Variants in HNRNPAB observed in about 807,000 individuals in gnomAD.
HNRNPAB encodes the protein ABBP-1.
HNRNPAB carries 17 observed loss-of-function variants against 44.1 expected under a neutral mutation model. The ratio of observed to expected loss-of-function variants is 0.39; its 90% CI spans 0.26 to 0.58. The LOEUF is 0.58. Among genes scored for constraint, HNRNPAB ranks in the 20% least tolerant of loss-of-function variants. The pLI is 0.63. For synonymous variants in HNRNPAB, 183 were observed against 167.6 expected (o/e 1.09, Z -0.71); for missense variants, 393 against 432.7 (o/e 0.91, Z 0.81).
chr5:178,205,615 T>G lies in HNRNPAB; in HGVS notation c.210-227T>G, dbSNP rs1357146120. On this transcript the variant is annotated intron_variant, in intron 2 of 7. Coordinates refer to ENST00000358344, the MANE Select transcript of HNRNPAB (RefSeq NM_031266.3). ...CCCATACCCCTGGTGAGGTGGTCCCTTCTTTGCTTCTCACAGGCTGGGGCT... is the reference window on the plus strand; with the variant it reads ...CCCATACCCCTGGTGAGGTGGTCCCGTCTTTGCTTCTCACAGGCTGGGGCT... 9.8e-6 allele frequency: 5 copies of G among 509,064 alleles called. No homozygotes were observed. The Admixed American group carries it at 1.3e-4, about 13-fold the overall frequency. The allele number at this position is 509,064 out of a possible 1,614,324, so 31.5% of individuals were successfully genotyped here.
chr5:178,210,830 A>T lies in HNRNPAB; in HGVS notation c.*207A>T. 1 of 591,704 alleles carries T rather than the reference A, an allele frequency of 1.7e-6. No individual in the cohort carries two copies. Among genetic ancestry groups the T allele is most frequent in the Non-Finnish European group, 3.0e-6 (1 of 330,584 alleles). 36.7% of individuals were successfully genotyped at this position (591,704 alleles called of 1,614,324 possible). A position where few individuals can be genotyped will look rare whatever the true frequency, so the allele number is the denominator to read the frequency against. On this transcript the variant is annotated 3_prime_UTR_variant, in exon 8 of 8. Transcript: ENST00000358344. ...GGCAGCGTGTGGTGTCTGAGAGGCC[A>T]TAGCGCCATCATGGGCTGATTTTTA... is the stretch of plus-strand genomic sequence containing the variant.
intron 2 of HNRNPAB, 139 bp downstream of exon 2, chr5:178,205,185 C>T (rs868798618): frequency 1.9e-5 from 10 of 529,636 alleles, no homozygotes; most frequent in Non-Finnish European, 2.4e-5. Context: ...CCGCTGCGTT[C>T]GCGGGCCGGG....
At chr5:178,207,019 CTT>C in intron 4 of HNRNPAB, 73 bp from the exon 5 acceptor site, 1 of 1,593,028 alleles carries the variant, frequency 6.3e-7, no homozygotes, top group Non-Finnish European at 8.6e-7. Flanking sequence ...TCAATGGGGT[CTT>C]TTCTCCTGTG....
In HNRNPAB at chr5:178,210,167, T is replaced by G; in HGVS notation, c.823T>G (p.Tyr275Asp). 1.9e-6 allele frequency: 3 copies of G among 1,613,852 alleles called. No homozygotes were observed. The highest frequency in any genetic ancestry group is 2.5e-6 in the Non-Finnish European group (3 of 1,179,768). ...GAGTTGGAATCAGGGCTACGGCAAC[T>G]ACTGGAACCAGGGCTACGGCTACCA... is the stretch of plus-strand genomic sequence containing the variant. ...SQSWNQGYGN[Y>D]WNQGYGYQQG... Residue 275 changes from tyrosine (Y) to aspartate (D), a missense_variant, in exon 7 of 8, where the codon TAC becomes GAC. This residue lies in a region of HNRNPAB where 210 missense variants were observed against 196.9 expected (regional missense o/e 1.07). Transcript: ENST00000358344.
At chr5:178,210,103 C>G in intron 6 of HNRNPAB, 29 bp from the exon 7 acceptor site, 1 of 1,611,496 alleles carries the variant, frequency 6.2e-7, no homozygotes, top group Non-Finnish European at 8.5e-7. Context: ...AAATGGTCCA[C>G]GGGCCCCTGT....
chr5:178,210,282 A>C lies in HNRNPAB; in HGVS notation c.928+10A>C. The C allele has an allele frequency of 6.2e-7, 1 of 1,614,022 alleles. No individual in the cohort carries two copies. Among genetic ancestry groups the C allele is most frequent in the Non-Finnish European group, 8.5e-7 (1 of 1,179,970 alleles). Reference sequence around the variant, plus strand: ...CCCGGCTACGACTACAGTAAGTAGGAGAGAGGGAGGCCCCATCCGCTCACC... The same window carrying C: ...CCCGGCTACGACTACAGTAAGTAGGCGAGAGGGAGGCCCCATCCGCTCACC... On this transcript the variant is annotated intron_variant, in intron 7 of 7. Transcript: ENST00000358344.
At chr5:178,206,142 G>C (rs1022494409) in intron 3 of HNRNPAB, 132 bp downstream of exon 3, 1 of 812,760 alleles carries the variant, frequency 1.2e-6, no homozygotes, top group Non-Finnish European at 2.0e-6. Context: ...CCCAAAGCCG[G>C]AGGTTATGTT....
chr5:178,206,983 C>A, intron 4 of HNRNPAB, 93 bp downstream of exon 4: 2 of 1,585,112 alleles, frequency 1.3e-6, no homozygotes, highest in South Asian at 1.1e-5. Flanking sequence ...CCCTCCCAGG[C>A]AGGGCTTATT....
intron 2 of HNRNPAB, 163 bp from the exon 3 acceptor site, chr5:178,205,679 T>G: frequency 1.5e-6 from 1 of 651,760 alleles, no homozygotes; most frequent in Non-Finnish European, 2.6e-6. Context: ...CCTGGTTGAG[T>G]TCAATTTGGA....
At chr5:178,210,091 C>G in intron 6 of HNRNPAB, 41 bp from the exon 7 acceptor site, 1 of 1,607,896 alleles carries the variant, frequency 6.2e-7, no homozygotes, top group South Asian at 1.1e-5. Context: ...CCTGCGTATG[C>G]TAAATGGTCC....
intron 3 of HNRNPAB, 133 bp downstream of exon 3, chr5:178,206,143 A>C: frequency 1.2e-6 from 1 of 810,626 alleles, no homozygotes; most frequent in Non-Finnish European, 2.0e-6. Flanking sequence ...CCAAAGCCGG[A>C]GGTTATGTTC....
Position 178,209,366 on chromosome 5 carries a change from C to A in HNRNPAB, c.706C>A (p.Gln236Lys). Residue 236 changes from glutamine (Q) to lysine (K), a missense_variant, in exon 6 of 8, where the codon CAG becomes AAG. Coordinates refer to ENST00000358344, the MANE Select transcript of HNRNPAB (RefSeq NM_031266.3). ...GGTGGCCCAGCCCAAAGAAGTCTAT[C>A]AGCAGCAGCAGTATGGCTCTGGGGG... Reference protein sequence around the residue: ...IKVAQPKEVYQQQQYGSGGRG... With the variant: ...IKVAQPKEVYKQQQYGSGGRG... 2 of 1,614,122 alleles carry A rather than the reference C, an allele frequency of 1.2e-6. No homozygotes were observed. The highest frequency in any genetic ancestry group is 1.7e-6 in the Non-Finnish European group (2 of 1,179,958).
chr5:178,206,959 C>G, intron 4 of HNRNPAB, 69 bp downstream of exon 4: 1 of 1,598,100 alleles, frequency 6.3e-7, no homozygotes, highest in Non-Finnish European at 8.5e-7. Flanking sequence ...CCTTGGTATC[C>G]TTGGCTGGCT....
At chr5:178,205,316 G>A (rs1226959411) in intron 2 of HNRNPAB, among the ~76,000 whole-genome samples, 1 of 151,586 alleles carries the variant, frequency 6.6e-6, no homozygotes, top group South Asian at 2.1e-4. Context: ...GCAGGGGCGG[G>A]CGGATGGCCC....
At chr5:178,207,685 T>C (rs1473492751) in intron 5 of HNRNPAB, among the ~76,000 whole-genome samples, 1 of 140,314 alleles carries the variant, frequency 7.1e-6, no homozygotes, top group Non-Finnish European at 1.5e-5. Context: ...CCATCCACTT[T>C]GAGCACTTTT....
chr5:178,210,500 GCA>G, intron 7 of HNRNPAB, 51 bp from the exon 8 acceptor site: 25 of 1,567,500 alleles, frequency 1.6e-5, no homozygotes, highest in Non-Finnish European at 2.2e-5. Context: ...CAAGCGCGTG[GCA>G]CAGGGCAAAT....
chr5:178,205,781 T>G, intron 2 of HNRNPAB, 61 bp from the exon 3 acceptor site: 1 of 1,558,046 alleles, frequency 6.4e-7, no homozygotes, highest in South Asian at 1.2e-5. Context: ...GGGCCAGTCC[T>G]TTCCAAAATC....
At position 178,207,073 on chromosome 5, in the gene HNRNPAB, G is replaced by A. The variant is rs772553561; in HGVS notation, c.538-21G>A. 31 of 1,613,618 alleles carry A rather than the reference G, an allele frequency of 1.9e-5. 2 individuals carry two copies. Among genetic ancestry groups the A allele is most frequent in the Middle Eastern group, 1.6e-4 (1 of 6,062 alleles). On this transcript the variant is annotated intron_variant, in intron 4 of 7. Transcript: ENST00000358344. Reference sequence around the variant, plus strand: ...TGGGGTAGGGAGGTATTGGGCCTGAGTTTGCCTATGCTTTTTGCAGATTGA... The same window carrying A: ...TGGGGTAGGGAGGTATTGGGCCTGAATTTGCCTATGCTTTTTGCAGATTGA...
chr5:178,209,276 G>T (rs1757416096), intron 5 of HNRNPAB, 54 bp from the exon 6 acceptor site: 1 of 1,401,150 alleles, frequency 7.1e-7, no homozygotes, highest in African/African-American at 1.4e-5. Context: ...TGTTTGGGCA[G>T]TCACTGCCCT....
Sources: gnomAD v4.1 joint callset for allele counts (sites outside exome capture counted in the v4.1 genomes callset) on GRCh38, gnomAD v4.1.1 for gene constraint, gnomAD v4.1.1 regional missense constraint, MANE v1.5 for transcripts, NCBI Gene and HGNC (gene_info 2026-07-23, HGNC 2026-07-21) for gene names.